ANKRD6: variants seen among roughly 807,000 people sequenced by gnomAD.
ANKRD6 encodes the protein ankyrin repeat domain 6.
ANKRD6 carries 56 observed loss-of-function variants against 82.3 expected under a neutral mutation model. That is an observed-to-expected ratio of 0.68 (90% confidence interval 0.55 to 0.85). The LOEUF (loss-of-function observed/expected upper bound fraction) is 0.85. ANKRD6 is among the 40% of genes least tolerant of loss of function. ANKRD6 has a pLI of 0.00. For missense variants in ANKRD6, 852 were observed against 907.6 expected (o/e 0.94, Z 0.79); for synonymous variants, 347 against 352.1 (o/e 0.99, Z 0.16).
chr6:89,458,980 C>G (rs1773800961), intron 1 of ANKRD6, among the ~76,000 whole-genome samples: 1 of 152,198 alleles, frequency 6.6e-6, no homozygotes, highest in South Asian at 2.1e-4. Flanking sequence ...GACAGACAAC[C>G]TTGGGCAGTG....
intron 1 of ANKRD6, among the ~76,000 whole-genome samples, chr6:89,462,492 A>G (rs1774302986): frequency 6.6e-6 from 1 of 152,028 alleles, no homozygotes; most frequent in Admixed American, 6.6e-5. Context: ...GGAGTGAAGC[A>G]CCTCCAACTA....
intron 1 of ANKRD6, among the ~76,000 whole-genome samples, chr6:89,518,902 A>T (rs907445009): frequency 6.6e-6 from 1 of 152,204 alleles, no homozygotes; most frequent in South Asian, 2.1e-4. Context: ...TTCCAAGATC[A>T]GTGTGTCTGC....
intron 1 of ANKRD6, among the ~76,000 whole-genome samples, chr6:89,548,759 T>C: frequency 6.6e-6 from 1 of 152,226 alleles, no homozygotes; most frequent in Non-Finnish European, 1.5e-5. Context: ...GATAAAATTA[T>C]ACAGTGGCGA....
chr6:89,503,358 AG>A (rs1779470453), intron 1 of ANKRD6, among the ~76,000 whole-genome samples: 1 of 152,194 alleles, frequency 6.6e-6, no homozygotes, highest in Admixed American at 6.5e-5. Context: ...AAGCCATTAG[AG>A]GACAGAAGGC....
intron 1 of ANKRD6, among the ~76,000 whole-genome samples, chr6:89,463,522 A>G (rs773477258): frequency 7.9e-5 from 12 of 152,200 alleles, no homozygotes; most frequent in Admixed American, 6.5e-5. Context: ...ATTATATTTT[A>G]ACACAGTATT....
At chr6:89,532,595 G>T (rs1053203997) in intron 1 of ANKRD6, among the ~76,000 whole-genome samples, 57 of 152,196 alleles carry the variant, frequency 3.7e-4, no homozygotes, top group African/African-American at 1.3e-3. Context: ...CATGAGGGCA[G>T]GGAGCTTATC....
intron 8 of ANKRD6, 115 bp from the exon 9 acceptor site, chr6:89,617,839 G>A (rs1204475022): frequency 4.2e-6 from 4 of 959,726 alleles, no homozygotes; most frequent in East Asian, 2.4e-5. Context: ...CCACGTAGGT[G>A]CTGGGTGTGA....
At chr6:89,591,123 G>T (rs4707553) in intron 2 of ANKRD6, among the ~76,000 whole-genome samples, 4 of 151,308 alleles carry the variant, frequency 2.6e-5, no homozygotes, top group Non-Finnish European at 5.9e-5. Flanking sequence ...CTTTTTTTAA[G>T]GAGAAGGTCT....
intron 2 of ANKRD6, among the ~76,000 whole-genome samples, chr6:89,591,313 C>T (rs1019837733): frequency 1.3e-5 from 2 of 152,070 alleles, no homozygotes; most frequent in Admixed American, 6.5e-5. Flanking sequence ...CCATGTTGCC[C>T]AGGCTATAGA....
In ANKRD6 at chr6:89,606,125, A is replaced by G; in HGVS notation, c.417+20A>G. On this transcript the variant is annotated intron_variant, in intron 5 of 15. Transcript: ENST00000339746. ...AACAAGGTGAGGCCTGGCAGATGCT[A>G]GAATGCCTCATTCACAGGTGAGGAT... 1 of 1,527,926 alleles carries G rather than the reference A, an allele frequency of 6.5e-7. No homozygotes were observed. Among genetic ancestry groups the G allele is most frequent in the Non-Finnish European group, 8.9e-7 (1 of 1,128,410 alleles). 94.6% of individuals were successfully genotyped at this position (1,527,926 alleles called of 1,614,324 possible). A position where few individuals can be genotyped will look rare whatever the true frequency, so the allele number is the denominator to read the frequency against.
chr6:89,518,061 G>A (rs1583043606), intron 1 of ANKRD6, among the ~76,000 whole-genome samples: 1 of 152,206 alleles, frequency 6.6e-6, no homozygotes, highest in African/African-American at 2.4e-5. Flanking sequence ...CATGGTTCCT[G>A]TTTTCATGGT....
At chr6:89,508,181 C>A (rs558434307) in intron 1 of ANKRD6, among the ~76,000 whole-genome samples, 1 of 152,180 alleles carries the variant, frequency 6.6e-6, no homozygotes, top group Non-Finnish European at 1.5e-5. Flanking sequence ...TGTTTTTGTG[C>A]GCCAGGAATC....
chr6:89,512,887 TTTTTC>T (rs1197847130), intron 1 of ANKRD6, among the ~76,000 whole-genome samples: 1 of 152,144 alleles, frequency 6.6e-6, no homozygotes, highest in Non-Finnish European at 1.5e-5. Flanking sequence ...CATAGCTGTT[TTTTTC>T]TTTTCTATTT....
At chr6:89,620,249 G>C (rs1802721596) in intron 9 of ANKRD6, 1 of 152,228 alleles carries the variant, frequency 6.6e-6, no homozygotes, top group Non-Finnish European at 1.5e-5. Context: ...GGTCTGGTTT[G>C]CTGAGAAAGG....
At chr6:89,585,501 A>G (rs953921239) in intron 2 of ANKRD6, among the ~76,000 whole-genome samples, 3 of 152,266 alleles carry the variant, frequency 2.0e-5, no homozygotes, top group African/African-American at 4.8e-5. Flanking sequence ...ATGTATATGC[A>G]TATTTGACCA....
intron 2 of ANKRD6, among the ~76,000 whole-genome samples, chr6:89,568,788 A>T (rs1390192128): frequency 1.3e-5 from 2 of 152,116 alleles, no homozygotes; most frequent in African/African-American, 2.4e-5. Context: ...GAACCTGACC[A>T]CGCGGGTACC....
In ANKRD6 at chr6:89,444,122, G is replaced by A. The variant is rs185219542; in HGVS notation, c.-144+10747G>A. 3.0e-4 allele frequency among the ~76,000 whole-genome samples: 45 copies of A among 152,326 alleles called. No individual in the cohort carries two copies. In the East Asian group the frequency reaches 8.1e-3, roughly 27 times the overall value. The stretch of plus-strand genomic sequence containing the variant: ...AAAAGTTAATAAAAGAAAGAGCTTT[G>A]ATGAGAGGAAGGACCTAAGTCCAGG... On this transcript the variant is annotated intron_variant, in intron 1 of 15. Transcript: ENST00000339746.
intron 2 of ANKRD6, among the ~76,000 whole-genome samples, chr6:89,570,547 C>G (rs911467644): frequency 6.6e-6 from 1 of 152,304 alleles, no homozygotes; most frequent in African/African-American, 2.4e-5. Flanking sequence ...CCATTAAACA[C>G]TAATTTCTCA....
chr6:89,572,120 G>A (rs1790057727), intron 2 of ANKRD6, among the ~76,000 whole-genome samples: 1 of 152,100 alleles, frequency 6.6e-6, no homozygotes, highest in South Asian at 2.1e-4. Context: ...TTCCTTTTAG[G>A]ACTGAAAAAT....
Sources: allele counts gnomAD v4.1 joint callset (sites outside exome capture counted in the v4.1 genomes callset), GRCh38; gene constraint gnomAD v4.1.1; transcripts MANE v1.5; gene names NCBI Gene and HGNC (gene_info 2026-07-23, HGNC 2026-07-21).